Variants in PI4K2B observed in about 807,000 individuals in gnomAD.
The protein encoded by PI4K2B is phosphatidylinositol 4-kinase type 2-beta.
A neutral mutation model predicts 56.6 loss-of-function variants in PI4K2B; 46 were observed. The ratio of observed to expected loss-of-function variants is 0.81; its 90% CI spans 0.64 to 1.04. The LOEUF (loss-of-function observed/expected upper bound fraction) is 1.04, where lower values mean the gene tolerates loss of function less well. Ranked by LOEUF, PI4K2B falls within the 50% of genes least tolerant of loss-of-function variation. The pLI, the probability that PI4K2B is intolerant of heterozygous loss-of-function variation, is 0.00. For synonymous variants in PI4K2B, 211 were observed against 223.8 expected (o/e 0.94, Z 0.51); for missense variants, 556 against 607.7 (o/e 0.91, Z 0.89).
Position 25,277,083 on chromosome 4 carries a change from A to G in PI4K2B, c.1342A>G (p.Ile448Val), listed in dbSNP as rs1253804601. ...PFQLVQIPCV[I>V]VERSQGGSQG... is the part of the protein sequence containing the mutation. Reference sequence around the variant, plus strand: ...CCAGCTAGTACAGATACCTTGTGTGATTGTGGAACGCAGTCAAGGTGGAAG... The same window carrying G: ...CCAGCTAGTACAGATACCTTGTGTGGTTGTGGAACGCAGTCAAGGTGGAAG... Residue 448 changes from isoleucine to valine, a missense_variant, in exon 10 of 10, where the codon ATT becomes GTT. Ile to Val is a conservative substitution (Grantham distance 29). Transcript: ENST00000264864. 1.2e-6 allele frequency: 2 copies of G among 1,613,800 alleles called. No individual in the cohort carries two copies. Among genetic ancestry groups the G allele is most frequent in the East Asian group, 2.2e-5 (1 of 44,876 alleles).
At chr4:25,251,615 G>T (rs1427788024) in intron 1 of PI4K2B, among the ~76,000 whole-genome samples, 3 of 152,150 alleles carry the variant, frequency 2.0e-5, no homozygotes, top group Admixed American at 6.5e-5. Context: ...CAGAGGGACT[G>T]AACTGGGAAG....
At chr4:25,243,806 C>T (rs1247319885) in intron 1 of PI4K2B, among the ~76,000 whole-genome samples, 2 of 152,164 alleles carry the variant, frequency 1.3e-5, no homozygotes, top group Non-Finnish European at 2.9e-5. Context: ...AATTCTCAGT[C>T]TTTCTAGAAC....
chr4:25,234,618 T>G (rs1715168168), intron 1 of PI4K2B, among the ~76,000 whole-genome samples, 187 bp downstream of exon 1: 1 of 152,216 alleles, frequency 6.6e-6, no homozygotes, highest in Admixed American at 6.5e-5. Context: ...TGCTCGCTCT[T>G]TCTCCGGGAG....
chr4:25,261,978 A>G (rs923877832), intron 6 of PI4K2B, among the ~76,000 whole-genome samples: 4 of 152,198 alleles, frequency 2.6e-5, no homozygotes, highest in African/African-American at 9.6e-5. Flanking sequence ...ATGGGCTTAA[A>G]ATACAAACAT....
chr4:25,241,415 C>T (rs575698559), intron 1 of PI4K2B, among the ~76,000 whole-genome samples: 1 of 152,308 alleles, frequency 6.6e-6, no homozygotes, highest in South Asian at 2.1e-4. Context: ...AAGAGATCAT[C>T]TTGGGTGGCA....
Position 25,234,157 on chromosome 4 carries a change from G to A in PI4K2B, c.-7G>A. On this transcript the variant is annotated 5_prime_UTR_variant, in exon 1 of 10. Transcript: ENST00000264864. ...TGGTCTCAGCGCGGAGGGAGCAGAG[G>A]GAGTCCATGGAGGATCCCTCCGAGC... The A allele has an allele frequency of 3.0e-6, 4 of 1,354,516 alleles. No homozygotes were observed. Among genetic ancestry groups the A allele is most frequent in the Non-Finnish European group, 2.9e-6 (3 of 1,050,788 alleles). The allele number at this position is 1,354,516 out of a possible 1,614,324, so 83.9% of individuals were successfully genotyped here.
intron 7 of PI4K2B, among the ~76,000 whole-genome samples, chr4:25,266,827 T>C (rs1560378605): frequency 6.6e-6 from 1 of 152,228 alleles, no homozygotes; most frequent in African/African-American, 2.4e-5. Context: ...GAAGTCATGG[T>C]AGTGTTTGCT....
chr4:25,268,409 T>TA (rs762564889), intron 7 of PI4K2B, 34 bp from the exon 8 acceptor site: 11 of 1,567,406 alleles, frequency 7.0e-6, no homozygotes, highest in Non-Finnish European at 9.5e-6. Context: ...AACCATTTCC[T>TA]ACCACTGATT....
intron 1 of PI4K2B, among the ~76,000 whole-genome samples, chr4:25,251,547 G>A (rs758861871): frequency 1.6e-4 from 25 of 152,086 alleles, no homozygotes; most frequent in Non-Finnish European, 3.4e-4. Flanking sequence ...CCAGTGACGT[G>A]GGGGAGCAGT....
intron 1 of PI4K2B, among the ~76,000 whole-genome samples, chr4:25,243,379 C>A (rs1353228529): frequency 6.6e-6 from 1 of 152,192 alleles, no homozygotes; most frequent in African/African-American, 2.4e-5. Context: ...TCCTAGTAAA[C>A]CACACTGATA....
At chr4:25,260,737 A>C in intron 6 of PI4K2B, 146 bp downstream of exon 6, 1 of 257,588 alleles carries the variant, frequency 3.9e-6, no homozygotes, top group Non-Finnish European at 7.4e-6. Flanking sequence ...ATTTCTGTAA[A>C]AGATTCCTTT....
intron 1 of PI4K2B, among the ~76,000 whole-genome samples, chr4:25,235,676 A>G (rs1233610265): frequency 6.6e-6 from 1 of 152,206 alleles, no homozygotes; most frequent in South Asian, 2.1e-4. Flanking sequence ...TACATTGGCA[A>G]TTTGGGTATA....
chr4:25,234,383 TC>T lies in PI4K2B; in HGVS notation c.223del (p.Arg75GlyfsTer16), dbSNP rs1321589089. On this transcript the variant is annotated frameshift_variant, in exon 1 of 10. Coordinates refer to ENST00000264864, the MANE Select transcript of PI4K2B (RefSeq NM_018323.4). LOFTEE classifies it high-confidence loss of function. The part of the protein sequence containing the change: ...LPLPPGDVGV[S>X]RSSSAELDRS... ...CCTCCCGCCCGGGGACGTGGGGGTC[TC>T]CCGGAGTTCGTCCGCCGAGCTGGAC... 7.1e-7 allele frequency: 1 copy of T among 1,399,478 alleles called. No homozygotes were observed. Among genetic ancestry groups the T allele is most frequent in the South Asian group, 1.5e-5 (1 of 65,198 alleles). The allele number at this position is 1,399,478 out of a possible 1,614,324, so 86.7% of individuals were successfully genotyped here. A position where few individuals can be genotyped will look rare whatever the true frequency, so the allele number is the denominator to read the frequency against.
At chr4:25,260,639 TATAC>T (rs1292343330) in intron 6 of PI4K2B, 48 bp downstream of exon 6, 220 of 58,298 alleles carry the variant, frequency 3.8e-3, no homozygotes, top group South Asian at 0.019. Flanking sequence ...TATATATATA[TATAC>T]ACACACACAC....
chr4:25,273,068 C>T (rs1467612580), intron 9 of PI4K2B, among the ~76,000 whole-genome samples: 1 of 152,016 alleles, frequency 6.6e-6, no homozygotes, highest in Non-Finnish European at 1.5e-5. Flanking sequence ...GTTAGTTTTA[C>T]ACATATATCA....
chr4:25,235,486 A>G (rs1041369642), intron 1 of PI4K2B, among the ~76,000 whole-genome samples: 1 of 152,262 alleles, frequency 6.6e-6, no homozygotes, highest in African/African-American at 2.4e-5. Context: ...GCTAGAGGCT[A>G]CATTCAGGCA....
rs145883883 is a variant in PI4K2B, at chr4:25,268,683, C to T, written c.1212+107C>T. 6,447 of 705,002 alleles carry T rather than the reference C, an allele frequency of 9.1e-3. 138 individuals carry two copies. Among genetic ancestry groups the T allele is most frequent in the South Asian group, 0.055 (2,595 of 46,786 alleles). The allele number at this position is 705,002 out of a possible 1,614,324, so 43.7% of individuals were successfully genotyped here. ...TTTCTATTTCTTGTATTGCTGCTTG[C>T]CATAAAACCTGACAGGACAGAGAGG... On this transcript the variant is annotated intron_variant, in intron 8 of 9. Transcript: ENST00000264864.
intron 4 of PI4K2B, among the ~76,000 whole-genome samples, chr4:25,257,167 C>G (rs2109016080): frequency 6.6e-6 from 1 of 151,858 alleles, no homozygotes; most frequent in South Asian, 2.1e-4. Context: ...AGATAATCTT[C>G]CTGCCTCAGG....
In PI4K2B at chr4:25,277,036, T is replaced by C; in HGVS notation, c.1295T>C (p.Leu432Ser). 1 of 1,598,470 alleles carries C rather than the reference T, an allele frequency of 6.3e-7. No individual in the cohort carries two copies. Among genetic ancestry groups the C allele is most frequent in the Non-Finnish European group, 8.6e-7 (1 of 1,168,798 alleles). The change falls in exon 10 of 10, where the codon TTG (leucine) becomes TCG (serine). Residue 432 changes from leucine to serine, a missense_variant. Coordinates refer to ENST00000264864, the MANE Select transcript of PI4K2B (RefSeq NM_018323.4). ...RGQILNLTQA[L>S]RDGKSPFQLV... ...CAGATCTTAAACCTTACTCAGGCAT[T>C]GAGAGACGGGAAGAGTCCTTTCCAG... is the stretch of plus-strand genomic sequence containing the variant.
Sources: allele counts gnomAD v4.1 joint callset (sites outside exome capture counted in the v4.1 genomes callset), GRCh38; gene constraint gnomAD v4.1.1; transcripts MANE v1.5; gene names NCBI Gene and HGNC (gene_info 2026-07-23, HGNC 2026-07-21).